MAP3K7CL: variants seen among roughly 807,000 people sequenced by gnomAD.
MAP3K7CL encodes the protein MAP3K7 C-terminal-like protein.
Under a neutral mutation model 18.6 loss-of-function variants are expected in MAP3K7CL, and 16 were observed. The observed-to-expected ratio is 0.86, with a 90% CI of 0.58 to 1.31. The LOEUF is 1.31. MAP3K7CL is among the 50% of genes most tolerant of loss of function. The pLI is 0.00. For missense variants in MAP3K7CL, 163 were observed against 174.4 expected (o/e 0.93, Z 0.37); for synonymous variants, 65 against 66.8 (o/e 0.97, Z 0.13).
intron 3 of MAP3K7CL, among the ~76,000 whole-genome samples, chr21:29,157,880 A>G (rs1417397606): frequency 6.6e-6 from 1 of 152,232 alleles, no homozygotes; most frequent in African/African-American, 2.4e-5. Flanking sequence ...AGCAAAAGAC[A>G]TATCTCCCTT....
At chr21:29,113,865 G>A (rs1388663650) in intron 4 of MAP3K7CL, among the ~76,000 whole-genome samples, 1 of 152,048 alleles carries the variant, frequency 6.6e-6, no homozygotes, top group Non-Finnish European at 1.5e-5. Flanking sequence ...TTGCTGGCCT[G>A]TTCAGTGTTG....
chr21:29,150,140 C>T (rs1017663773), intron 3 of MAP3K7CL, among the ~76,000 whole-genome samples: 3 of 152,208 alleles, frequency 2.0e-5, no homozygotes, highest in Non-Finnish European at 4.4e-5. Context: ...CAGCTTTTCC[C>T]ATTTGTGGGT....
intron 4 of MAP3K7CL, among the ~76,000 whole-genome samples, chr21:29,172,570 C>T (rs1230755360): frequency 6.6e-6 from 1 of 152,172 alleles, no homozygotes; most frequent in Non-Finnish European, 1.5e-5. Flanking sequence ...ATCAGACTTT[C>T]ACCCCCCAGG....
chr21:29,134,464 A>G (rs2086841397), intron 2 of MAP3K7CL, among the ~76,000 whole-genome samples: 1 of 152,208 alleles, frequency 6.6e-6, no homozygotes, highest in Non-Finnish European at 1.5e-5. Context: ...TGGGGTTACT[A>G]TGCCAGGTGA....
chr21:29,144,141 T>G (rs1362049415), intron 2 of MAP3K7CL, among the ~76,000 whole-genome samples: 1 of 151,794 alleles, frequency 6.6e-6, no homozygotes, highest in Non-Finnish European at 1.5e-5. Context: ...ATTCCCCATG[T>G]TTTAGGGAAT....
chr21:29,135,876 A>T (rs1216337101), intron 2 of MAP3K7CL, among the ~76,000 whole-genome samples: 1 of 151,244 alleles, frequency 6.6e-6, no homozygotes, highest in Non-Finnish European at 1.5e-5. Flanking sequence ...TTATGAAAAA[A>T]CTCCCCAAAT....
chr21:29,081,057 G>C (rs73899307), upstream of MAP3K7CL, among the ~76,000 whole-genome samples: 2 of 151,996 alleles, frequency 1.3e-5, no homozygotes, highest in African/African-American at 4.8e-5. Context: ...TATCAGGAAA[G>C]GTTTTAAGAC....
At chr21:29,148,889 G>T (rs1339076683) in intron 2 of MAP3K7CL, among the ~76,000 whole-genome samples, 6 of 152,050 alleles carry the variant, frequency 3.9e-5, no homozygotes, top group Non-Finnish European at 1.5e-5. Flanking sequence ...CATATTTTTT[G>T]GTTTTGGCCA....
intron 4 of MAP3K7CL, among the ~76,000 whole-genome samples, chr21:29,097,733 G>C (rs1481503531): frequency 6.6e-6 from 1 of 152,142 alleles, no homozygotes; most frequent in Non-Finnish European, 1.5e-5. Flanking sequence ...TAATTTATAT[G>C]ATGTTTTTAA....
chr21:29,139,543 C>T (rs2086957454), intron 2 of MAP3K7CL, among the ~76,000 whole-genome samples: 1 of 152,116 alleles, frequency 6.6e-6, no homozygotes, highest in African/African-American at 2.4e-5. Flanking sequence ...AAAACCTCAT[C>T]TGCACTAAGC....
At chr21:29,079,918 C>A (rs866985893) in intron 1 of MAP3K7CL, among the ~76,000 whole-genome samples, 2 of 152,094 alleles carry the variant, frequency 1.3e-5, no homozygotes, top group Non-Finnish European at 2.9e-5. Context: ...GTGATTGATT[C>A]TTTTCTTAGT....
intron 3 of MAP3K7CL, among the ~76,000 whole-genome samples, chr21:29,158,235 G>A (rs984744988): frequency 2.6e-5 from 4 of 152,126 alleles, no homozygotes; most frequent in African/African-American, 9.7e-5. Context: ...CGATTTCTGG[G>A]GCACAGACTG....
chr21:29,077,165 A>C (rs1254576601), upstream of MAP3K7CL, among the ~76,000 whole-genome samples: 1 of 152,226 alleles, frequency 6.6e-6, no homozygotes, highest in Non-Finnish European at 1.5e-5. Context: ...CTACAGGTGG[A>C]GCTGCTTGCC....
chr21:29,135,675 C>A (rs1230028094), intron 2 of MAP3K7CL, among the ~76,000 whole-genome samples: 1 of 152,152 alleles, frequency 6.6e-6, no homozygotes, highest in East Asian at 1.9e-4. Flanking sequence ...ACTCTCTTGG[C>A]CCTTGACTAG....
chr21:29,165,852 C>T (rs998417259), intron 4 of MAP3K7CL, among the ~76,000 whole-genome samples: 2 of 152,176 alleles, frequency 1.3e-5, no homozygotes, highest in African/African-American at 4.8e-5. Context: ...ATGAGCCATG[C>T]GCCTGGCCAG....
chr21:29,098,772 A>C (rs2086168297), intron 4 of MAP3K7CL, among the ~76,000 whole-genome samples: 1 of 145,118 alleles, frequency 6.9e-6, no homozygotes, highest in African/African-American at 2.6e-5. Flanking sequence ...TACCTCGCCA[A>C]ACATTATTAA....
At chr21:29,148,240 C>T (rs2087189043) in intron 2 of MAP3K7CL, among the ~76,000 whole-genome samples, 1 of 151,652 alleles carries the variant, frequency 6.6e-6, no homozygotes. Flanking sequence ...TGTAGGTATA[C>T]TGTATGTGTA....
chr21:29,165,634 C>T (rs1432631364), intron 4 of MAP3K7CL, among the ~76,000 whole-genome samples: 2 of 152,228 alleles, frequency 1.3e-5, no homozygotes, highest in African/African-American at 4.8e-5. Context: ...TGCAGCAGTG[C>T]GATCTTGGCT....
intron 4 of MAP3K7CL, among the ~76,000 whole-genome samples, chr21:29,101,013 C>T (rs929870263): frequency 6.6e-6 from 1 of 150,810 alleles, no homozygotes; most frequent in African/African-American, 2.4e-5. Flanking sequence ...CGCCCGGTCC[C>T]TCTTTTTTTT....
Sources: allele counts gnomAD v4.1 joint callset (sites outside exome capture counted in the v4.1 genomes callset), GRCh38; gene constraint gnomAD v4.1.1; transcripts MANE v1.5; gene names NCBI Gene and HGNC (gene_info 2026-07-23, HGNC 2026-07-21).